CDON: variants seen among roughly 807,000 people sequenced by gnomAD.
The protein encoded by CDON is cell adhesion associated, oncogene regulated.
A neutral mutation model predicts 120.9 loss-of-function variants in CDON; 73 were observed. The observed-to-expected ratio is 0.60, with a 90% CI of 0.50 to 0.73. The LOEUF (loss-of-function observed/expected upper bound fraction) is 0.73, where lower values mean the gene tolerates loss of function less well. Ranked by LOEUF, CDON falls within the 30% of genes least tolerant of loss-of-function variation. CDON has a pLI of 0.00. For missense variants in CDON, 1,470 were observed against 1,587.3 expected (o/e 0.93, Z 1.26); for synonymous variants, 566 against 573.5 (o/e 0.99, Z 0.19).
At position 126,058,677 on chromosome 11, in the gene CDON, T is replaced by C. The variant is rs955792377; in HGVS notation, c.-62+3902A>G. Among the ~76,000 whole-genome samples, 13 of 152,226 alleles carry C rather than the reference T, an allele frequency of 8.5e-5. 1 individual carries two copies. Among genetic ancestry groups the C allele is most frequent in the African/African-American group, 2.4e-4 (10 of 41,448 alleles). ...AAAACCAGGAGCATTGGAATTCACA[T>C]TCTTGGTAGATGAAAACCAATTAAC... On this transcript the variant is annotated intron_variant, in intron 1 of 19. Transcript: ENST00000531738.
intron 14 of CDON, among the ~76,000 whole-genome samples, 157 bp downstream of exon 14, chr11:125,994,127 C>T (rs772879470): frequency 6.6e-6 from 1 of 152,274 alleles, no homozygotes; most frequent in African/African-American, 2.4e-5. Flanking sequence ...ATATATTAAG[C>T]GGGAAAAGGT....
intron 16 of CDON, among the ~76,000 whole-genome samples, chr11:125,981,965 A>ATTTTTTTTTTTTTTTT (rs1591562448): frequency 2.9e-5 from 1 of 34,428 alleles, no homozygotes; most frequent in African/African-American, 8.2e-5. Flanking sequence ...AAGTGATTCT[A>ATTTTTTTTTTTTTTTT]TTTTCTTTTT....
chr11:126,035,579 G>A (rs1403594570), intron 1 of CDON, among the ~76,000 whole-genome samples: 2 of 152,140 alleles, frequency 1.3e-5, no homozygotes, highest in African/African-American at 4.8e-5. Flanking sequence ...GGTTCTTCAA[G>A]CACATTCATA....
At chr11:126,015,041 T>C (rs1397353738) in intron 7 of CDON, 200 bp downstream of exon 7, 1 of 611,398 alleles carries the variant, frequency 1.6e-6, no homozygotes, top group Non-Finnish European at 2.9e-6. Flanking sequence ...TTAAAAACTT[T>C]TTTTAATGAG....
At chr11:126,041,421 A>G (rs1338401174) in intron 1 of CDON, among the ~76,000 whole-genome samples, 1 of 152,188 alleles carries the variant, frequency 6.6e-6, no homozygotes, top group Non-Finnish European at 1.5e-5. Flanking sequence ...TCTGTAGCCA[A>G]AACAAACACA....
chr11:125,999,794 C>T (rs1292613983), intron 11 of CDON, among the ~76,000 whole-genome samples: 2 of 152,144 alleles, frequency 1.3e-5, no homozygotes, highest in Non-Finnish European at 1.5e-5. Context: ...CCTTCTCCTT[C>T]TCTAACATCC....
At chr11:125,989,983 C>T (rs553756268) in intron 14 of CDON, among the ~76,000 whole-genome samples, 1 of 152,192 alleles carries the variant, frequency 6.6e-6, no homozygotes, top group South Asian at 2.1e-4. Context: ...GATAAACTGA[C>T]CTAAAACTAT....
At chr11:126,051,677 C>G (rs1226505704) in intron 1 of CDON, among the ~76,000 whole-genome samples, 1 of 144,018 alleles carries the variant, frequency 6.9e-6, no homozygotes, top group Non-Finnish European at 1.5e-5. Flanking sequence ...TCCAGAGTCT[C>G]GCTCTTGTTG....
At position 125,981,049 on chromosome 11, in the gene CDON, A is replaced by G; in HGVS notation, c.3276T>C (p.Asn1092=). 1.9e-6 allele frequency: 3 copies of G among 1,614,138 alleles called. No homozygotes were observed. Among genetic ancestry groups the G allele is most frequent in the South Asian group, 2.2e-5 (2 of 91,076 alleles). ...TTTTATTTATAGTTAGGTCTCTTAC[A>G]TTCACTAGATGATGAGGATGTTCAA... The part of the protein sequence containing the change: ...VDFEHPHHLV[N]GGGMYTAVPQ... The change falls in exon 17 of 20, where the codon AAT becomes AAC. Residue 1092 remains asparagine (N), a splice_region_variant and synonymous_variant. Coordinates refer to ENST00000531738, the MANE Select transcript of CDON (RefSeq NM_001378964.1).
chr11:126,020,288 T>C (rs1947596395), intron 3 of CDON, among the ~76,000 whole-genome samples: 1 of 152,196 alleles, frequency 6.6e-6, no homozygotes, highest in Non-Finnish European at 1.5e-5. Flanking sequence ...CTTTAATCTG[T>C]TTGTAGCTAT....
rs1410615408 is a variant in CDON at position 125,957,902 on chromosome 11, C to CG, written c.*3039dup. On this transcript the variant is annotated 3_prime_UTR_variant, in exon 20 of 20. Coordinates refer to ENST00000531738, the MANE Select transcript of CDON (RefSeq NM_001378964.1). ...AGATCGTGAAATGATACAGTGGGAG[C>CG]GGGGCAGTTTATGCTAAAACAATCA... The CG allele has an allele frequency of 3.3e-5, 5 of 152,108 alleles. No individual in the cohort carries two copies. The highest frequency in any genetic ancestry group is 5.9e-5 in the Non-Finnish European group (4 of 68,016). 9.4% of individuals were successfully genotyped at this position (152,108 alleles called of 1,614,324 possible).
intron 12 of CDON, among the ~76,000 whole-genome samples, chr11:125,995,841 C>T (rs540170995): frequency 3.8e-4 from 58 of 152,340 alleles, no homozygotes; most frequent in African/African-American, 1.3e-3. Flanking sequence ...CTTGTTTTGA[C>T]AGCCACAGGC....
intron 17 of CDON, among the ~76,000 whole-genome samples, chr11:125,979,987 A>G (rs1037392971): frequency 6.6e-6 from 1 of 152,208 alleles, no homozygotes; most frequent in African/African-American, 2.4e-5. Flanking sequence ...CTCCAAATAG[A>G]TTTTAATAAA....
intron 1 of CDON, among the ~76,000 whole-genome samples, chr11:126,050,723 G>A (rs1948537352): frequency 6.6e-6 from 1 of 152,030 alleles, no homozygotes; most frequent in Admixed American, 6.6e-5. Flanking sequence ...GGTGTGCCGT[G>A]GCTCCTCCTA....
At chr11:125,982,887 C>T (rs556164489) in intron 16 of CDON, among the ~76,000 whole-genome samples, 31 of 152,170 alleles carry the variant, frequency 2.0e-4, no homozygotes, top group African/African-American at 5.5e-4. Flanking sequence ...TGATTCAACA[C>T]GCACTCACAC....
chr11:125,964,123 G>A (rs1174750773), intron 18 of CDON, among the ~76,000 whole-genome samples: 1 of 152,142 alleles, frequency 6.6e-6, no homozygotes, highest in African/African-American at 2.4e-5. Flanking sequence ...AATACTCAGG[G>A]AACCCTCAAG....
Position 125,968,147 on chromosome 11 carries a change from G to C in CDON, c.3357-6149C>G, listed in dbSNP as rs201610030. ...ATATTTGCCAGAATTTGAAAACCTA[G>C]GACAGTTCCCTACAAAATATTAGAA... On this transcript the variant is annotated intron_variant, in intron 18 of 19. Coordinates refer to ENST00000531738, the MANE Select transcript of CDON (RefSeq NM_001378964.1). Among the ~76,000 whole-genome samples, 11 of 152,242 alleles carry C rather than the reference G, an allele frequency of 7.2e-5. No individual in the cohort carries two copies. The East Asian group carries it at 2.1e-3, about 29-fold the overall frequency.
At chr11:125,979,482 T>G (rs1208568703) in intron 17 of CDON, among the ~76,000 whole-genome samples, 9 of 152,222 alleles carry the variant, frequency 5.9e-5, no homozygotes, top group Admixed American at 5.9e-4. Flanking sequence ...CTCAACACGT[T>G]GAAGTTAGTG....
chr11:125,987,587 G>C (rs1262373599), intron 15 of CDON, among the ~76,000 whole-genome samples: 1 of 152,192 alleles, frequency 6.6e-6, no homozygotes, highest in African/African-American at 2.4e-5. Context: ...TCTGTAGGTA[G>C]AACCTTTTCA....
Sources: gnomAD v4.1 joint callset for allele counts (sites outside exome capture counted in the v4.1 genomes callset) on GRCh38, gnomAD v4.1.1 for gene constraint, MANE v1.5 for transcripts, NCBI Gene and HGNC (gene_info 2026-07-23, HGNC 2026-07-21) for gene names.